NR6A1: variants seen among roughly 807,000 people sequenced by gnomAD.
The protein encoded by NR6A1 is nuclear receptor subfamily 6 group A member 1.
In NR6A1, 7 loss-of-function variants were observed where a neutral mutation model predicts 59.1. That is an observed-to-expected ratio of 0.12 (90% confidence interval 0.07 to 0.22). The LOEUF is 0.22. NR6A1 is among the 10% of genes least tolerant of loss of function. The pLI is 1.00. For synonymous variants in NR6A1, 243 were observed against 236.1 expected (o/e 1.03, Z -0.27); for missense variants, 468 against 611.6 (o/e 0.77, Z 2.48).
intron 2 of NR6A1, among the ~76,000 whole-genome samples, chr9:124,643,233 G>A (rs999611811): frequency 6.6e-6 from 1 of 152,054 alleles, no homozygotes; most frequent in East Asian, 1.9e-4. Context: ...AGGCTGAGGC[G>A]GGAAGATACT....
intron 1 of NR6A1, among the ~76,000 whole-genome samples, chr9:124,754,386 T>C (rs1049841769): frequency 5.9e-5 from 9 of 152,228 alleles, no homozygotes; most frequent in Non-Finnish European, 1.0e-4. Context: ...AAAATTCATA[T>C]TGATGAGACA....
At chr9:124,725,532 G>A (rs1027206003) in intron 2 of NR6A1, among the ~76,000 whole-genome samples, 14 of 152,230 alleles carry the variant, frequency 9.2e-5, no homozygotes, top group Admixed American at 9.2e-4. Context: ...TAGCAACGAA[G>A]TATTTCCTGT....
intron 2 of NR6A1, among the ~76,000 whole-genome samples, chr9:124,713,559 G>A (rs1456343251): frequency 6.6e-6 from 1 of 152,006 alleles, no homozygotes; most frequent in Non-Finnish European, 1.5e-5. Context: ...AACCCATAAA[G>A]AATCCAATTA....
chr9:124,656,763 C>T (rs1345294016), intron 2 of NR6A1, among the ~76,000 whole-genome samples: 3 of 152,080 alleles, frequency 2.0e-5, no homozygotes, highest in African/African-American at 4.8e-5. Context: ...ACCCAGGAGG[C>T]GGAAGTTGCA....
At chr9:124,560,480 G>GGC (rs1834054134) in intron 2 of NR6A1, among the ~76,000 whole-genome samples, 1 of 152,070 alleles carries the variant, frequency 6.6e-6, no homozygotes, top group Non-Finnish European at 1.5e-5. Context: ...AACAGAACGT[G>GGC]GCCTTCTAGC....
intron 1 of NR6A1, among the ~76,000 whole-genome samples, chr9:124,756,077 T>C (rs1376156536): frequency 2.0e-5 from 3 of 152,228 alleles, no homozygotes; most frequent in South Asian, 4.1e-4. Flanking sequence ...CTTTGCACTT[T>C]AGTAGTACCT....
chr9:124,566,559 C>T (rs1013932194), intron 2 of NR6A1, among the ~76,000 whole-genome samples: 1 of 152,102 alleles, frequency 6.6e-6, no homozygotes, highest in Admixed American at 6.5e-5. Flanking sequence ...GGAGATACAT[C>T]TTGAAAACTG....
intron 2 of NR6A1, among the ~76,000 whole-genome samples, chr9:124,647,306 GA>G (rs1263480607): frequency 2.0e-5 from 3 of 152,238 alleles, no homozygotes; most frequent in East Asian, 1.9e-4. Flanking sequence ...ACCCAAATCA[GA>G]GATGAAAAGG....
intron 2 of NR6A1, among the ~76,000 whole-genome samples, chr9:124,615,477 A>G (rs1273464378): frequency 6.6e-6 from 1 of 152,212 alleles, no homozygotes; most frequent in Non-Finnish European, 1.5e-5. Context: ...GAGGTCAAAC[A>G]CTGGAAACTA....
chr9:124,716,214 A>C (rs1839413840), intron 2 of NR6A1, among the ~76,000 whole-genome samples: 1 of 152,180 alleles, frequency 6.6e-6, no homozygotes, highest in South Asian at 2.1e-4. Flanking sequence ...CAAAAAAATA[A>C]AATGTAATGA....
intron 2 of NR6A1, among the ~76,000 whole-genome samples, chr9:124,561,107 ATAT>A: frequency 6.6e-6 from 1 of 152,042 alleles, no homozygotes; most frequent in East Asian, 1.9e-4. Flanking sequence ...TGTGGATATT[ATAT>A]TATATTAAAT....
chr9:124,701,513 C>T (rs1354091348), intron 2 of NR6A1, among the ~76,000 whole-genome samples: 1 of 152,132 alleles, frequency 6.6e-6, no homozygotes, highest in Non-Finnish European at 1.5e-5. Flanking sequence ...TTTCATAATC[C>T]TAAACAAGAA....
At chr9:124,598,773 T>C in intron 2 of NR6A1, 2 of 918,886 alleles carry the variant, frequency 2.2e-6, no homozygotes, top group African/African-American at 1.6e-5. Flanking sequence ...TTCTAGCTTT[T>C]CCGCCACTTT....
At position 124,520,241 on chromosome 9, in the gene NR6A1, A is replaced by T. The variant is rs1424699449; in HGVS notation, c.*2464T>A. 2 of 152,174 alleles carry T rather than the reference A, an allele frequency of 1.3e-5. No individual in the cohort carries two copies. Among genetic ancestry groups the T allele is most frequent in the Admixed American group, 6.5e-5 (1 of 15,270 alleles). 9.4% of individuals were successfully genotyped at this position (152,174 alleles called of 1,614,324 possible). On this transcript the variant is annotated 3_prime_UTR_variant, in exon 10 of 10. Coordinates refer to ENST00000487099, the MANE Select transcript of NR6A1 (RefSeq NM_033334.4). ...GCAACACATTCACTTTACCCTGTTTAAAAAAAGCCCACGTCATAAAAGGAC... is the reference window on the plus strand; with the variant it reads ...GCAACACATTCACTTTACCCTGTTTTAAAAAAGCCCACGTCATAAAAGGAC...
intron 1 of NR6A1, among the ~76,000 whole-genome samples, chr9:124,743,440 C>T (rs1236998353): frequency 1.3e-5 from 2 of 152,122 alleles, no homozygotes; most frequent in Non-Finnish European, 2.9e-5. Context: ...AAAACAATAC[C>T]CTTTTCCTAA....
At chr9:124,550,337 T>C in intron 3 of NR6A1, among the ~76,000 whole-genome samples, 1 of 152,114 alleles carries the variant, frequency 6.6e-6, no homozygotes. Flanking sequence ...TAGTAGGTTT[T>C]GCTTGTCGCA....
chr9:124,660,649 A>C (rs1054344214), intron 2 of NR6A1, among the ~76,000 whole-genome samples: 5 of 30,488 alleles, frequency 1.6e-4, no homozygotes, highest in African/African-American at 7.3e-4. Flanking sequence ...CTGAGAATAC[A>C]AAAAAAAAAA....
rs533691722 is a variant in NR6A1, at chr9:124,676,097, C to T, written c.142+57211G>A. Among the ~76,000 whole-genome samples the T allele has an allele frequency of 2.7e-4, 41 of 152,050 alleles. No individual in the cohort carries two copies. The South Asian group carries it at 7.3e-3, about 27-fold the overall frequency. On this transcript the variant is annotated intron_variant, in intron 2 of 9. Coordinates refer to ENST00000487099, the MANE Select transcript of NR6A1 (RefSeq NM_033334.4). The stretch of plus-strand genomic sequence containing the variant: ...TGTGTCACAAGTTAGAAGAATTCAC[C>T]CAGGAGAATAAGTTCTTAGGAATCA...
At chr9:124,685,379 C>A (rs1298789851) in intron 2 of NR6A1, among the ~76,000 whole-genome samples, 1 of 152,206 alleles carries the variant, frequency 6.6e-6, no homozygotes, top group East Asian at 1.9e-4. Flanking sequence ...GGCTGGAGTG[C>A]AGTTGCACAA....
Sources: allele counts gnomAD v4.1 joint callset (sites outside exome capture counted in the v4.1 genomes callset), GRCh38; gene constraint gnomAD v4.1.1; transcripts MANE v1.5; gene names NCBI Gene and HGNC (gene_info 2026-07-23, HGNC 2026-07-21).